SUCLG2: variants seen among roughly 807,000 people sequenced by gnomAD.
SUCLG2 encodes the protein succinate-CoA ligase GDP-forming subunit beta.
Under a neutral mutation model 47.9 loss-of-function variants are expected in SUCLG2, and 42 were observed. The ratio of observed to expected loss-of-function variants is 0.88; its 90% CI spans 0.69 to 1.14. The LOEUF (loss-of-function observed/expected upper bound fraction) is 1.14, where lower values mean the gene tolerates loss of function less well. Ranked by LOEUF, SUCLG2 falls within the 50% of genes most tolerant of loss-of-function variation. The probability of loss-of-function intolerance (pLI) is 0.00; values close to 1 mark genes in which losing one functional copy is unlikely to be tolerated. For synonymous variants in SUCLG2, 195 were observed against 197.3 expected, an observed-to-expected ratio of 0.99 and a Z score of 0.10; for missense variants, 571 against 525.9, an observed-to-expected ratio of 1.09 and a Z score of -0.84.
intron 2 of SUCLG2, among the ~76,000 whole-genome samples, chr3:67,599,927 G>A (rs184355527): frequency 6.3e-4 from 96 of 152,160 alleles, no homozygotes; most frequent in Middle Eastern, 3.4e-3. Context: ...TTTTTTGTCC[G>A]TAACCTAGAA....
At chr3:67,457,684 C>CTTTTTTTTT (rs71109889) in intron 9 of SUCLG2, among the ~76,000 whole-genome samples, 8 of 65,518 alleles carry the variant, frequency 1.2e-4, no homozygotes, top group African/African-American at 3.0e-4. Context: ...ACAAAAGCAG[C>CTTTTTTTTT]TTTTTTTTTT....
intron 7 of SUCLG2, among the ~76,000 whole-genome samples, chr3:67,498,834 TTAAC>T (rs1415177314): frequency 6.6e-6 from 1 of 152,216 alleles, no homozygotes; most frequent in East Asian, 1.9e-4. Context: ...TATTTGATCC[TTAAC>T]TAACTCTGTA....
At chr3:67,426,188 A>T (rs1480312985) in intron 9 of SUCLG2, among the ~76,000 whole-genome samples, 5 of 152,178 alleles carry the variant, frequency 3.3e-5, no homozygotes, top group Admixed American at 3.3e-4. Flanking sequence ...TAAAAAAAAC[A>T]AGCAAACAAT....
At chr3:67,525,447 C>G (rs893213810) in intron 4 of SUCLG2, among the ~76,000 whole-genome samples, 1 of 152,070 alleles carries the variant, frequency 6.6e-6, no homozygotes, top group African/African-American at 2.4e-5. Context: ...TGGAACAAAA[C>G]AGAGAACCCC....
rs748808822 is a variant in SUCLG2 at position 67,520,530 on chromosome 3, G to GC, written c.521dup (p.Val175ArgfsTer4). The GC allele has an allele frequency of 3.1e-6, 5 of 1,613,950 alleles. No individual in the cohort carries two copies. The highest frequency in any genetic ancestry group is 2.7e-5 in the African/African-American group (2 of 74,892). Reference sequence around the variant, plus strand: ...AAGCAGCCACCTCTTCAATGTCGACGCCCCCCTGGGGGCTGCCCACCAGCA... The same window carrying GC: ...AAGCAGCCACCTCTTCAATGTCGACGCCCCCCCTGGGGGCTGCCCACCAGCA... On this transcript the variant is annotated frameshift_variant, in exon 5 of 11. Coordinates refer to ENST00000307227, the MANE Select transcript of SUCLG2 (RefSeq NM_003848.4). LOFTEE classifies it high-confidence loss of function.
intron 9 of SUCLG2, among the ~76,000 whole-genome samples, chr3:67,471,617 A>G (rs374921994): frequency 6.6e-6 from 1 of 152,180 alleles, no homozygotes; most frequent in Non-Finnish European, 1.5e-5. Context: ...TCTCTGGGGG[A>G]GAATACAAAA....
chr3:67,566,009 G>A (rs144035633), intron 2 of SUCLG2, among the ~76,000 whole-genome samples: 2 of 152,222 alleles, frequency 1.3e-5, no homozygotes, highest in African/African-American at 2.4e-5. Context: ...TCTGTTCCAG[G>A]GACCACAGTA....
chr3:67,638,213 G>A (rs1026479513), intron 1 of SUCLG2, among the ~76,000 whole-genome samples: 1 of 152,134 alleles, frequency 6.6e-6, no homozygotes, highest in Non-Finnish European at 1.5e-5. Flanking sequence ...GTAAAATGAA[G>A]ATAAATGATA....
At chr3:67,430,734 A>G (rs1703455606) in intron 9 of SUCLG2, among the ~76,000 whole-genome samples, 2 of 152,190 alleles carry the variant, frequency 1.3e-5, no homozygotes, top group Admixed American at 6.5e-5. Flanking sequence ...AAGAGAGAAA[A>G]ATCAAATAGA....
intron 1 of SUCLG2, among the ~76,000 whole-genome samples, chr3:67,624,024 C>T (rs1010915519): frequency 1.3e-5 from 2 of 152,216 alleles, no homozygotes; most frequent in African/African-American, 4.8e-5. Context: ...CCCCACAGTC[C>T]TTTCCAATAA....
intron 1 of SUCLG2, among the ~76,000 whole-genome samples, chr3:67,624,172 C>G (rs1030848651): frequency 6.6e-6 from 1 of 152,230 alleles, no homozygotes; most frequent in Non-Finnish European, 1.5e-5. Context: ...GACTTCTCAT[C>G]ACTTCTTTAT....
chr3:67,437,359 A>G (rs539436973), intron 9 of SUCLG2, among the ~76,000 whole-genome samples: 2 of 152,334 alleles, frequency 1.3e-5, no homozygotes, highest in Non-Finnish European at 2.9e-5. Context: ...TGTGTTAAAC[A>G]TCTTCTGGCA....
chr3:67,535,541 C>T (rs551640153), intron 2 of SUCLG2, among the ~76,000 whole-genome samples: 30 of 151,874 alleles, frequency 2.0e-4, no homozygotes, highest in East Asian at 9.7e-4. Flanking sequence ...TCACGGGAGA[C>T]GATCCCTTAT....
intron 9 of SUCLG2, among the ~76,000 whole-genome samples, chr3:67,462,142 A>C (rs1464611954): frequency 1.3e-5 from 2 of 152,156 alleles, no homozygotes; most frequent in African/African-American, 4.8e-5. Context: ...TTTAGGTCTC[A>C]GAAGCAAACC....
intron 1 of SUCLG2, among the ~76,000 whole-genome samples, chr3:67,629,801 A>G (rs1435299416): frequency 6.6e-6 from 1 of 152,182 alleles, no homozygotes; most frequent in Non-Finnish European, 1.5e-5. Context: ...AAAAATAACA[A>G]AAGAACATTT....
chr3:67,403,583 C>G (rs1183856710), intron 9 of SUCLG2, among the ~76,000 whole-genome samples: 1 of 152,092 alleles, frequency 6.6e-6, no homozygotes, highest in East Asian at 1.9e-4. Context: ...CTGACAATTA[C>G]AAATACAGGG....
At chr3:67,595,888 T>C (rs1395393980) in intron 2 of SUCLG2, among the ~76,000 whole-genome samples, 2 of 152,234 alleles carry the variant, frequency 1.3e-5, no homozygotes, top group African/African-American at 2.4e-5. Context: ...TAAGGTTTTG[T>C]TGAAATGTGC....
At chr3:67,584,804 T>C (rs1575796382) in intron 2 of SUCLG2, among the ~76,000 whole-genome samples, 2 of 152,070 alleles carry the variant, frequency 1.3e-5, no homozygotes, top group Non-Finnish European at 2.9e-5. Flanking sequence ...GAAGGGGAAG[T>C]GCCGGGCAAA....
chr3:67,528,278 G>C lies in SUCLG2; in HGVS notation c.327-56C>G, dbSNP rs189497135. On this transcript the variant is annotated intron_variant, in intron 3 of 10. Transcript: ENST00000307227. ...AATGTTTGTTGAAAATCATTTAAATGAGAGTCCTTACACAGAGCCTCATGT... is the reference window on the plus strand; with the variant it reads ...AATGTTTGTTGAAAATCATTTAAATCAGAGTCCTTACACAGAGCCTCATGT... 1.1e-3 allele frequency: 1,680 copies of C among 1,509,912 alleles called. 8 individuals are homozygous for C. In the African/African-American group the frequency reaches 0.02, roughly 18 times the overall value. The allele number at this position is 1,509,912 out of a possible 1,614,324, so 93.5% of individuals were successfully genotyped here.
Sources: gnomAD v4.1 joint callset for allele counts (sites outside exome capture counted in the v4.1 genomes callset) on GRCh38, gnomAD v4.1.1 for gene constraint, MANE v1.5 for transcripts, NCBI Gene and HGNC (gene_info 2026-07-23, HGNC 2026-07-21) for gene names.